ATOSA: variants seen among roughly 807,000 people sequenced by gnomAD.
ATOSA encodes the protein atos homolog A.
the ATOSA span, among the ~76,000 whole-genome samples, chr15:52,702,708 A>T: frequency 6.6e-6 from 1 of 150,930 alleles, no homozygotes; most frequent in Non-Finnish European, 1.5e-5. Context: ...CCTCAGTATC[A>T]TGCAGTATAC....
chr15:52,688,722 C>T, the ATOSA span, among the ~76,000 whole-genome samples: 5 of 152,124 alleles, frequency 3.3e-5, 1 homozygote, highest in Admixed American at 1.3e-4. Context: ...AAGCCATCAG[C>T]CTGTAAATGG....
the ATOSA span, among the ~76,000 whole-genome samples, chr15:52,653,165 T>G: frequency 2.0e-5 from 3 of 152,160 alleles, no homozygotes; most frequent in African/African-American, 7.2e-5. Flanking sequence ...GCATGCCGTT[T>G]ATTACTCAGA....
chr15:52,583,757 C>T, the ATOSA span, among the ~76,000 whole-genome samples: 1 of 152,206 alleles, frequency 6.6e-6, no homozygotes, highest in Non-Finnish European at 1.5e-5. Context: ...ATCTGTGTAA[C>T]ATTTCCCATG....
chr15:52,603,847 G>A, the ATOSA span, among the ~76,000 whole-genome samples: 1 of 152,004 alleles, frequency 6.6e-6, no homozygotes, highest in African/African-American at 2.4e-5. Context: ...TGAGGAGGGA[G>A]GGATAAAGTG....
At chr15:52,610,224 G>C in the ATOSA span, 1 of 1,614,004 alleles carries the variant, frequency 6.2e-7, no homozygotes, top group Non-Finnish European at 8.5e-7. Flanking sequence ...CAATATTAGT[G>C]TGAATACTGC....
the ATOSA span, chr15:52,600,051 T>C: frequency 1.3e-5 from 8 of 616,626 alleles, no homozygotes; most frequent in African/African-American, 1.5e-4. Context: ...CAACCAAAGT[T>C]AAAGACATAT....
At chr15:52,645,530 C>A in the ATOSA span, among the ~76,000 whole-genome samples, 1 of 152,114 alleles carries the variant, frequency 6.6e-6, no homozygotes, top group Admixed American at 6.5e-5. Flanking sequence ...GGAGGGAACT[C>A]AATCTTGGAC....
chr15:52,687,719 TAG>T, the ATOSA span, among the ~76,000 whole-genome samples: 1 of 152,164 alleles, frequency 6.6e-6, no homozygotes, highest in African/African-American at 2.4e-5. Context: ...GGTACAGCAT[TAG>T]AGAGAGGTTT....
the ATOSA span, among the ~76,000 whole-genome samples, chr15:52,654,515 A>T: frequency 6.6e-6 from 1 of 152,156 alleles, no homozygotes; most frequent in Non-Finnish European, 1.5e-5. Flanking sequence ...AATTATACAC[A>T]AGTGTTAGTC....
chr15:52,698,047 G>A, the ATOSA span, among the ~76,000 whole-genome samples: 7 of 129,618 alleles, frequency 5.4e-5, no homozygotes, highest in Non-Finnish European at 1.5e-5. Context: ...CAAGGTCTCG[G>A]CTTACTGCAA....
At chr15:52,658,757 G>C in the ATOSA span, 1 of 284,058 alleles carries the variant, frequency 3.5e-6, no homozygotes, top group East Asian at 7.2e-5. Context: ...TTGAGGACAT[G>C]AGTTTAAGAC....
At chr15:52,698,057 A>C in the ATOSA span, among the ~76,000 whole-genome samples, 1 of 130,920 alleles carries the variant, frequency 7.6e-6, no homozygotes, top group Non-Finnish European at 1.5e-5. Context: ...GCTTACTGCA[A>C]CCTCCACCTC....
At chr15:52,584,623 G>T in the ATOSA span, 1 of 791,276 alleles carries the variant, frequency 1.3e-6, no homozygotes, top group Non-Finnish European at 2.0e-6. Flanking sequence ...ATCATCAAGA[G>T]TTCCCAAGCT....
At chr15:52,656,247 C>T in the ATOSA span, 4 of 151,834 alleles carry the variant, frequency 2.6e-5, no homozygotes, top group African/African-American at 9.7e-5. Context: ...GTGGAAAATA[C>T]AGAAATTTAT....
chr15:52,678,258 A>C, the ATOSA span: 4 of 595,626 alleles, frequency 6.7e-6, no homozygotes, highest in South Asian at 4.1e-5. Flanking sequence ...AAAAAGCAAA[A>C]CTCTCTGCAC....
chr15:52,598,917 C>T, the ATOSA span, among the ~76,000 whole-genome samples: 1 of 152,118 alleles, frequency 6.6e-6, no homozygotes, highest in African/African-American at 2.4e-5. Flanking sequence ...CATATGGCAC[C>T]TCCCTCCTTG....
At chr15:52,704,164 G>GA in the ATOSA span, among the ~76,000 whole-genome samples, 11 of 152,240 alleles carry the variant, frequency 7.2e-5, 1 homozygote, top group East Asian at 2.1e-3. Flanking sequence ...CAGAGATATA[G>GA]ACCAATGGAA....
the ATOSA span, among the ~76,000 whole-genome samples, chr15:52,692,043 A>G: frequency 2.0e-5 from 3 of 152,252 alleles, no homozygotes; most frequent in Non-Finnish European, 4.4e-5. Flanking sequence ...TTAGATCAAC[A>G]TAATCCTAAT....
the ATOSA span, chr15:52,655,909 A>G: frequency 6.6e-6 from 1 of 152,146 alleles, no homozygotes; most frequent in Non-Finnish European, 1.5e-5. Flanking sequence ...TCATTTCTCT[A>G]AGTGCTACAA....
Sources: allele counts gnomAD v4.1 joint callset (sites outside exome capture counted in the v4.1 genomes callset), GRCh38; gene constraint gnomAD v4.1.1; transcripts MANE v1.5; gene names NCBI Gene and HGNC (gene_info 2026-07-23, HGNC 2026-07-21).